NCOA3: variants seen among roughly 807,000 people sequenced by gnomAD.
NCOA3 encodes the protein nuclear receptor coactivator 3.
Under a neutral mutation model 158.8 loss-of-function variants are expected in NCOA3, and 51 were observed. That is an observed-to-expected ratio of 0.32 (90% CI 0.26 to 0.41). The LOEUF (loss-of-function observed/expected upper bound fraction) is 0.41, where lower values mean the gene tolerates loss of function less well. Among genes scored for constraint, NCOA3 ranks in the 10% least tolerant of loss-of-function variants. NCOA3 has a pLI of 1.00. For synonymous variants in NCOA3, 537 were observed against 592.4 expected (o/e 0.91, Z 1.36); for missense variants, 1,510 against 1,746.6 (o/e 0.86, Z 2.41).
At chr20:47,606,695 C>T (rs539081005) in intron 2 of NCOA3, among the ~76,000 whole-genome samples, 2 of 152,266 alleles carry the variant, frequency 1.3e-5, no homozygotes, top group African/African-American at 2.4e-5. Flanking sequence ...GCGCAGTTTG[C>T]GTTGTGAACT....
chr20:47,562,550 T>G (rs1377452759), intron 1 of NCOA3, among the ~76,000 whole-genome samples: 1 of 152,208 alleles, frequency 6.6e-6, no homozygotes, highest in Non-Finnish European at 1.5e-5. Flanking sequence ...TTTTTTTTTT[T>G]TAATTTGTGT....
At chr20:47,636,823 G>A in intron 12 of NCOA3, 61 bp downstream of exon 12, 5 of 1,428,536 alleles carry the variant, frequency 3.5e-6, no homozygotes, top group Non-Finnish European at 4.7e-6. Flanking sequence ...TAGATAATGT[G>A]ATATAAAAAT....
rs376051629 is a variant in NCOA3, at chr20:47,559,251, C to G, written c.-98-23932C>G. On this transcript the variant is annotated intron_variant, in intron 1 of 22. Coordinates refer to ENST00000371998, the MANE Select transcript of NCOA3 (RefSeq NM_181659.3). ...GTAAAAGAACTTTAAAAGGCAGTCC[C>G]TTACTGGCAAGGCACTTCCTGACTT... is the stretch of plus-strand genomic sequence containing the variant. Among the ~76,000 whole-genome samples, 14 of 152,052 alleles carry G rather than the reference C, an allele frequency of 9.2e-5. 1 individual carries two copies. The highest frequency in any genetic ancestry group is 3.9e-4 in the East Asian group (2 of 5,188).
intron 18 of NCOA3, among the ~76,000 whole-genome samples, chr20:47,647,766 A>G (rs1264072097): frequency 6.6e-6 from 1 of 152,100 alleles, no homozygotes; most frequent in African/African-American, 2.4e-5. Context: ...TTGTCTTTTA[A>G]TATTCTAAAA....
intron 1 of NCOA3, among the ~76,000 whole-genome samples, chr20:47,539,579 A>G (rs2084689722): frequency 1.3e-5 from 2 of 152,172 alleles, no homozygotes; most frequent in South Asian, 2.1e-4. Flanking sequence ...TTTCCATTTT[A>G]TAGCTTGTTT....
chr20:47,545,800 C>T (rs941780631), intron 1 of NCOA3, among the ~76,000 whole-genome samples: 1 of 151,620 alleles, frequency 6.6e-6, no homozygotes, highest in Non-Finnish European at 1.5e-5. Context: ...TTGCAACCTC[C>T]ACCTCCTGGG....
intron 1 of NCOA3, among the ~76,000 whole-genome samples, chr20:47,515,208 C>T (rs1415641949): frequency 1.3e-5 from 2 of 151,002 alleles, no homozygotes; most frequent in East Asian, 3.9e-4. Context: ...CTGTTGCCCA[C>T]CTGGAGTGCA....
intron 2 of NCOA3, among the ~76,000 whole-genome samples, chr20:47,617,452 C>G (rs1207596368): frequency 6.6e-6 from 1 of 152,140 alleles, no homozygotes; most frequent in East Asian, 1.9e-4. Context: ...TTGGTACCTG[C>G]CTTATTCCCC....
At chr20:47,517,342 G>T (rs2084250478) in intron 1 of NCOA3, among the ~76,000 whole-genome samples, 1 of 152,048 alleles carries the variant, frequency 6.6e-6, no homozygotes, top group Non-Finnish European at 1.5e-5. Context: ...TCTTCTTCAA[G>T]TATTCGCTAA....
chr20:47,521,405 GGAGCAATGGT>G (rs1382780724), intron 1 of NCOA3, among the ~76,000 whole-genome samples: 3 of 152,104 alleles, frequency 2.0e-5, no homozygotes, highest in African/African-American at 7.2e-5. Flanking sequence ...CTTCACAGAT[GGAGCAATGGT>G]GAGCGCACAC....
At chr20:47,579,857 C>T (rs898235443) in intron 1 of NCOA3, among the ~76,000 whole-genome samples, 1 of 152,194 alleles carries the variant, frequency 6.6e-6, no homozygotes, top group African/African-American at 2.4e-5. Context: ...AAATCTGCCT[C>T]TCTGAACTAG....
At chr20:47,598,529 G>C (rs1280631020) in intron 2 of NCOA3, among the ~76,000 whole-genome samples, 1 of 152,014 alleles carries the variant, frequency 6.6e-6, no homozygotes, top group Admixed American at 6.5e-5. Flanking sequence ...TAGAGACAGG[G>C]TTTCACCATG....
chr20:47,560,600 A>G (rs566200537), intron 1 of NCOA3, among the ~76,000 whole-genome samples: 4 of 152,242 alleles, frequency 2.6e-5, no homozygotes, highest in Admixed American at 6.5e-5. Flanking sequence ...TCCAATAGGT[A>G]TGTCGTAGTA....
chr20:47,576,262 G>A (rs1034224777), intron 1 of NCOA3, among the ~76,000 whole-genome samples: 68 of 152,000 alleles, frequency 4.5e-4, no homozygotes, highest in Non-Finnish European at 1.0e-4. Flanking sequence ...AAAAAATTGG[G>A]GTATAGGCAA....
intron 2 of NCOA3, among the ~76,000 whole-genome samples, chr20:47,596,394 A>G (rs1392358401): frequency 6.6e-6 from 1 of 152,076 alleles, no homozygotes; most frequent in Non-Finnish European, 1.5e-5. Context: ...ATTAGAATTC[A>G]TTTTTCAAAT....
intron 1 of NCOA3, among the ~76,000 whole-genome samples, chr20:47,517,451 C>CTTTTTCT (rs2084252827): frequency 1.5e-5 from 2 of 129,280 alleles, no homozygotes; most frequent in African/African-American, 6.3e-5. Flanking sequence ...TTTTCTTTTT[C>CTTTTTCT]TTTTTTTTTT....
At chr20:47,611,875 G>A (rs954861076) in intron 2 of NCOA3, among the ~76,000 whole-genome samples, 1 of 152,106 alleles carries the variant, frequency 6.6e-6, no homozygotes, top group African/African-American at 2.4e-5. Context: ...CCAGGCTGGA[G>A]TGCAGTGGCG....
At chr20:47,649,256 A>T in intron 19 of NCOA3, 147 bp downstream of exon 19, 1 of 514,524 alleles carries the variant, frequency 1.9e-6, no homozygotes, top group Non-Finnish European at 3.4e-6. Context: ...AAGACTTTCG[A>T]CTCTTCCATT....
rs2086469433 is a variant in NCOA3, at chr20:47,634,179, A to G, written c.1096A>G (p.Thr366Ala). 1.9e-6 allele frequency: 3 copies of G among 1,613,886 alleles called. No individual in the cohort carries two copies. Among genetic ancestry groups the G allele is most frequent in the African/African-American group, 1.3e-5 (1 of 74,922 alleles). The change falls in exon 10 of 23, where the codon ACC becomes GCC. Residue 366 changes from threonine to alanine, a missense_variant. Coordinates refer to ENST00000371998, the MANE Select transcript of NCOA3 (RefSeq NM_181659.3). ...VTNDRHGFVS[T>A]HFLQREQNGY... ...AAATGATCGACATGGCTTTGTCTCA[A>G]CCCACTTCCTTCAGAGGTAATGATA... is the stretch of plus-strand genomic sequence containing the variant.
Sources: gnomAD v4.1 joint callset for allele counts (sites outside exome capture counted in the v4.1 genomes callset) on GRCh38, gnomAD v4.1.1 for gene constraint, MANE v1.5 for transcripts, NCBI Gene and HGNC (gene_info 2026-07-23, HGNC 2026-07-21) for gene names.